The following CCDC192 variants were observed in gnomAD, a reference collection of about 807,000 sequenced individuals.
CCDC192 encodes the protein coiled-coil domain-containing protein 192.
chr5:127,889,399 C>G (rs1752664464), intron 6 of CCDC192, among the ~76,000 whole-genome samples: 2 of 129,138 alleles, frequency 1.5e-5, no homozygotes, highest in Admixed American at 1.7e-4. Context: ...CTTTTCTTTT[C>G]TTTCTTTCTT....
intron 6 of CCDC192, among the ~76,000 whole-genome samples, chr5:127,884,315 C>T (rs1362854058): frequency 1.7e-5 from 2 of 114,524 alleles, no homozygotes; most frequent in Non-Finnish European, 3.5e-5. Context: ...TGAACTCCAG[C>T]CTGGGCGACA....
intron 5 of CCDC192, among the ~76,000 whole-genome samples, chr5:127,852,135 CTA>C (rs1338152162): frequency 6.6e-6 from 1 of 152,220 alleles, no homozygotes; most frequent in Non-Finnish European, 1.5e-5. Context: ...AGAGCAAACA[CTA>C]CTGCCTATCA....
At chr5:127,886,822 T>C (rs1466925848) in intron 6 of CCDC192, among the ~76,000 whole-genome samples, 1 of 152,094 alleles carries the variant, frequency 6.6e-6, no homozygotes, top group Non-Finnish European at 1.5e-5. Flanking sequence ...AATGGTAAAT[T>C]GATTGATTGT....
chr5:127,702,306 A>C (rs1471039363), upstream of CCDC192, among the ~76,000 whole-genome samples: 2 of 152,164 alleles, frequency 1.3e-5, no homozygotes, highest in African/African-American at 4.8e-5. Context: ...GAGAGGTAAG[A>C]TGATTTCTGA....
At chr5:127,786,210 A>G (rs57101168) in intron 3 of CCDC192, 8 of 781,500 alleles carry the variant, frequency 1.0e-5, no homozygotes, top group Admixed American at 1.8e-5. Flanking sequence ...GTGTGCCTTC[A>G]TGAAGGTAAA....
intron 5 of CCDC192, among the ~76,000 whole-genome samples, chr5:127,855,422 C>T (rs1579284): frequency 0.39 from 59,513 of 151,994 alleles, 11,856 homozygotes; most frequent in East Asian, 0.54. Context: ...TTACTACTTG[C>T]ACCACATCTG....
At chr5:127,739,236 C>A (rs1184819232) in intron 2 of CCDC192, among the ~76,000 whole-genome samples, 2 of 152,302 alleles carry the variant, frequency 1.3e-5, no homozygotes, top group East Asian at 3.9e-4. Flanking sequence ...CCCAGTTAGG[C>A]TGCCCGGGGG....
chr5:127,841,564 T>C (rs1049483256), intron 5 of CCDC192, among the ~76,000 whole-genome samples: 8 of 152,222 alleles, frequency 5.3e-5, no homozygotes, highest in Non-Finnish European at 7.3e-5. Context: ...GAAAGAGGCT[T>C]CATCTGTCTC....
chr5:127,863,748 A>G (rs191731220), intron 5 of CCDC192, among the ~76,000 whole-genome samples: 50 of 152,342 alleles, frequency 3.3e-4, no homozygotes, highest in African/African-American at 1.2e-3. Flanking sequence ...AAAGTCTTCG[A>G]GTTGAAAAGT....
chr5:127,905,719 A>T (rs142216794), intron 6 of CCDC192, among the ~76,000 whole-genome samples: 3 of 152,362 alleles, frequency 2.0e-5, no homozygotes, highest in African/African-American at 7.2e-5. Context: ...GCAAAAAAAA[A>T]GTAAGCCAAA....
chr5:127,738,979 T>C (rs202204092), intron 2 of CCDC192, among the ~76,000 whole-genome samples: 40,620 of 150,380 alleles, frequency 0.27, 6,387 homozygotes, highest in Middle Eastern at 0.38. Context: ...TGAGGAACTG[T>C]GTTCCTTTGG....
chr5:127,863,354 A>G lies in CCDC192; in HGVS notation c.412-12184A>G, dbSNP rs1170165216. 3.9e-5 allele frequency among the ~76,000 whole-genome samples: 6 copies of G among 152,366 alleles called. No individual in the cohort carries two copies. In the East Asian group the frequency reaches 9.6e-4, roughly 24 times the overall value. ...GGAAGGAAATGCTGACACATAGTAC[A>G]ACATAAATAAAGTGCTAGATTTGTA... On this transcript the variant is annotated intron_variant, in intron 5 of 6. Coordinates refer to ENST00000514853, the MANE Select transcript of CCDC192 (RefSeq NM_001317938.2).
intron 3 of CCDC192, among the ~76,000 whole-genome samples, chr5:127,778,543 A>G (rs1044321236): frequency 6.6e-6 from 1 of 152,156 alleles, no homozygotes; most frequent in Non-Finnish European, 1.5e-5. Flanking sequence ...TTCTGTATCT[A>G]TATTCATAAA....
intron 1 of CCDC192, among the ~76,000 whole-genome samples, chr5:127,707,390 T>C (rs1307931706): frequency 7.3e-6 from 1 of 136,946 alleles, no homozygotes; most frequent in African/African-American, 2.8e-5. Flanking sequence ...TAGGAGGTTA[T>C]GCTTTCCTCT....
intron 2 of CCDC192, among the ~76,000 whole-genome samples, chr5:127,752,278 C>T (rs1458233427): frequency 6.6e-6 from 1 of 152,166 alleles, no homozygotes; most frequent in African/African-American, 2.4e-5. Context: ...TGGTGATGTT[C>T]AGATGGGTTT....
intron 5 of CCDC192, among the ~76,000 whole-genome samples, chr5:127,865,743 C>A (rs2127114851): frequency 6.6e-6 from 1 of 151,038 alleles, no homozygotes; most frequent in East Asian, 1.9e-4. Context: ...GCAGTGAGAC[C>A]CCCAAAGTGA....
chr5:127,890,445 C>T (rs774358321), intron 6 of CCDC192, among the ~76,000 whole-genome samples: 3 of 140,524 alleles, frequency 2.1e-5, no homozygotes, highest in Non-Finnish European at 3.0e-5. Flanking sequence ...AGTGAGAGAC[C>T]CTGTATTTAA....
chr5:127,890,387 T>C (rs540020419), intron 6 of CCDC192, among the ~76,000 whole-genome samples: 39 of 150,866 alleles, frequency 2.6e-4, no homozygotes, highest in African/African-American at 9.3e-4. Context: ...AAACCTAAGA[T>C]TGGTGTTTTG....
At chr5:127,880,279 G>A (rs1443295166) in intron 6 of CCDC192, among the ~76,000 whole-genome samples, 2 of 152,094 alleles carry the variant, frequency 1.3e-5, no homozygotes, top group East Asian at 1.9e-4. Flanking sequence ...GCCATAAAAA[G>A]TGATGAGTTC....
Sources: gnomAD v4.1 joint callset for allele counts (sites outside exome capture counted in the v4.1 genomes callset) on GRCh38, gnomAD v4.1.1 for gene constraint, MANE v1.5 for transcripts, NCBI Gene and HGNC (gene_info 2026-07-23, HGNC 2026-07-21) for gene names.